The following COL8A1 variants were observed in gnomAD, a reference collection of about 807,000 sequenced individuals.
The protein encoded by COL8A1 is collagen alpha-1(VIII) chain.
In COL8A1, 21 loss-of-function variants were observed where a neutral mutation model predicts 42.7. The observed-to-expected ratio is 0.49, with a 90% confidence interval of 0.35 to 0.71. The LOEUF is 0.71. Among genes scored for constraint, COL8A1 ranks in the 30% least tolerant of loss-of-function variants. COL8A1 has a pLI of 0.01. For synonymous variants in COL8A1, 367 were observed against 369.1 expected (o/e 0.99, Z 0.06); for missense variants, 788 against 962.4 (o/e 0.82, Z 2.40).
chr3:99,648,250 G>A (rs77504714), intron 1 of COL8A1, among the ~76,000 whole-genome samples: 5,948 of 152,138 alleles, frequency 0.039, 148 homozygotes, highest in African/African-American at 0.046. Context: ...TTCTATCCAG[G>A]TCACAGTCCA....
In COL8A1 at chr3:99,799,091, A is replaced by T. The variant is rs1327462111; in HGVS notation, c.*2955A>T. 1 of 152,246 alleles carries T rather than the reference A, an allele frequency of 6.6e-6. No individual in the cohort carries two copies. Among genetic ancestry groups the T allele is most frequent in the Non-Finnish European group, 1.5e-5 (1 of 68,026 alleles). The allele number at this position is 152,246 out of a possible 1,614,324, so 9.4% of individuals were successfully genotyped here. A position where few individuals can be genotyped will look rare whatever the true frequency, so the allele number is the denominator to read the frequency against. The stretch of plus-strand genomic sequence containing the variant: ...ATCAAATATTTTATAGAATACAATG[A>T]ACGGTGAACAGACTGGTAACTTGTT... On this transcript the variant is annotated 3_prime_UTR_variant, in exon 4 of 4. Coordinates refer to ENST00000652472, the MANE Select transcript of COL8A1 (RefSeq NM_020351.4).
chr3:99,703,472 G>A (rs1939597818), intron 1 of COL8A1: 1 of 152,162 alleles, frequency 6.6e-6, no homozygotes, highest in South Asian at 2.1e-4. Context: ...AATATCATTG[G>A]AATGAGATCA....
chr3:99,645,894 G>A (rs778429914), intron 1 of COL8A1, among the ~76,000 whole-genome samples: 33 of 152,234 alleles, frequency 2.2e-4, no homozygotes, highest in Non-Finnish European at 4.3e-4. Flanking sequence ...AACAAAGCCT[G>A]GCAGCTGGGG....
At chr3:99,765,252 A>G (rs1941440866) in intron 2 of COL8A1, among the ~76,000 whole-genome samples, 1 of 152,186 alleles carries the variant, frequency 6.6e-6, no homozygotes, top group Admixed American at 6.5e-5. Flanking sequence ...TCTCAGAATA[A>G]CAGGAAGCAG....
At chr3:99,735,285 G>C (rs1226287653) in intron 1 of COL8A1, among the ~76,000 whole-genome samples, 4 of 127,340 alleles carry the variant, frequency 3.1e-5, no homozygotes. Context: ...TTGGCTGTGG[G>C]TTTGTCATAG....
chr3:99,765,734 T>A (rs1387515875), intron 2 of COL8A1, among the ~76,000 whole-genome samples: 1 of 152,164 alleles, frequency 6.6e-6, no homozygotes, highest in East Asian at 1.9e-4. Flanking sequence ...CTCCTTTTGG[T>A]CAAATCTATG....
At chr3:99,784,658 C>A (rs1941857729) in intron 2 of COL8A1, among the ~76,000 whole-genome samples, 1 of 152,124 alleles carries the variant, frequency 6.6e-6, no homozygotes, top group African/African-American at 2.4e-5. Context: ...ATGCATTGCA[C>A]CACAGTCATT....
intron 1 of COL8A1, among the ~76,000 whole-genome samples, chr3:99,691,103 C>T (rs1357503743): frequency 6.6e-6 from 1 of 152,064 alleles, no homozygotes; most frequent in Non-Finnish European, 1.5e-5. Context: ...TGAGCATGCA[C>T]GAATTTCTAG....
intron 1 of COL8A1, among the ~76,000 whole-genome samples, chr3:99,682,229 A>G (rs1236272385): frequency 6.6e-6 from 1 of 152,254 alleles, no homozygotes; most frequent in Admixed American, 6.5e-5. Context: ...AGCTTGGGCA[A>G]CATGGTGAAA....
intron 1 of COL8A1, among the ~76,000 whole-genome samples, chr3:99,734,198 G>A (rs1940623259): frequency 6.9e-6 from 1 of 145,080 alleles, no homozygotes; most frequent in Non-Finnish European, 1.5e-5. Context: ...CATTGCTTTT[G>A]GTGTTTTAGA....
At chr3:99,639,522 TC>T (rs747612347) in intron 1 of COL8A1, among the ~76,000 whole-genome samples, 3 of 152,172 alleles carry the variant, frequency 2.0e-5, no homozygotes, top group African/African-American at 4.8e-5. Context: ...CCACCTTTTT[TC>T]CCCCGCATTT....
intron 2 of COL8A1, among the ~76,000 whole-genome samples, chr3:99,758,649 C>A (rs1941306612): frequency 6.6e-6 from 1 of 152,130 alleles, no homozygotes; most frequent in Admixed American, 6.6e-5. Flanking sequence ...ACTCCCCAAG[C>A]CTTTCTAATC....
chr3:99,789,506 A>C (rs1451872311), intron 2 of COL8A1, among the ~76,000 whole-genome samples: 4 of 152,130 alleles, frequency 2.6e-5, no homozygotes, highest in Non-Finnish European at 4.4e-5. Context: ...GAGGGCAGGG[A>C]GTGGGCAGGC....
chr3:99,730,704 GA>G (rs999156146), intron 1 of COL8A1, among the ~76,000 whole-genome samples: 1 of 152,164 alleles, frequency 6.6e-6, no homozygotes, highest in Non-Finnish European at 1.5e-5. Context: ...ATATTGGTGA[GA>G]AGTGAACGTT....
intron 2 of COL8A1, among the ~76,000 whole-genome samples, chr3:99,752,856 TGCACCTAGTG>T (rs1941180888): frequency 6.6e-6 from 1 of 152,140 alleles, no homozygotes; most frequent in African/African-American, 2.4e-5. Flanking sequence ...GGCTAGAATG[TGCACCTAGTG>T]GCCTCAGTTT....
At chr3:99,717,698 T>C (rs910383190) in intron 1 of COL8A1, among the ~76,000 whole-genome samples, 1 of 151,986 alleles carries the variant, frequency 6.6e-6, no homozygotes, top group Non-Finnish European at 1.5e-5. Context: ...ATTAGGTATA[T>C]AACTTAAAAC....
At chr3:99,665,361 T>C (rs147244455) in intron 1 of COL8A1, among the ~76,000 whole-genome samples, 3 of 152,246 alleles carry the variant, frequency 2.0e-5, no homozygotes, top group Non-Finnish European at 4.4e-5. Flanking sequence ...CTTTATGTCC[T>C]TTCTCAGATA....
At chr3:99,705,134 C>T (rs988915881) in intron 1 of COL8A1, among the ~76,000 whole-genome samples, 6 of 152,166 alleles carry the variant, frequency 3.9e-5, no homozygotes, top group African/African-American at 1.4e-4. Flanking sequence ...CTCCTTCCAG[C>T]CCCCGCAAAA....
chr3:99,782,452 C>A (rs906618603), intron 2 of COL8A1, among the ~76,000 whole-genome samples: 2 of 152,106 alleles, frequency 1.3e-5, no homozygotes, highest in Admixed American at 1.3e-4. Context: ...AGTGCAGTGG[C>A]ATCATCTCAG....
Sources: allele counts gnomAD v4.1 joint callset (sites outside exome capture counted in the v4.1 genomes callset), GRCh38; gene constraint gnomAD v4.1.1; transcripts MANE v1.5; gene names NCBI Gene and HGNC (gene_info 2026-07-23, HGNC 2026-07-21).